Variants in PCDHGB3 observed in about 807,000 individuals in gnomAD.
PCDHGB3 encodes the protein protocadherin gamma subfamily B, 3, also known as protocadherin gamma-B3.
In PCDHGB3, 40 loss-of-function variants were observed where a neutral mutation model predicts 59.2. The ratio of observed to expected loss-of-function variants is 0.68; its 90% CI spans 0.52 to 0.88. PCDHGB3 has a LOEUF of 0.88. PCDHGB3 is among the 40% of genes least tolerant of loss of function. The pLI is 0.00. For missense variants in PCDHGB3, 1,309 were observed against 1,187.9 expected (o/e 1.10, Z -1.50); for synonymous variants, 581 against 503.6 (o/e 1.15, Z -2.06).
chr5:141,478,095 C>T, intron 1 of PCDHGB3: 5 of 1,614,100 alleles, frequency 3.1e-6, no homozygotes, highest in Non-Finnish European at 4.2e-6. Context: ...TCCACCACTG[C>T]TACCCTCACT....
intron 1 of PCDHGB3, chr5:141,385,038 G>C (rs377185831): frequency 4.3e-6 from 7 of 1,614,138 alleles, no homozygotes; most frequent in Non-Finnish European, 5.9e-6. Flanking sequence ...TACTGCTGGC[G>C]CTCAGGCTGC....
At chr5:141,426,830 C>A (rs559240163) in intron 1 of PCDHGB3, 301 of 456,662 alleles carry the variant, frequency 6.6e-4, no homozygotes, top group African/African-American at 5.8e-3. Flanking sequence ...TGATGATGGA[C>A]AAGACTAAAG....
chr5:141,389,749 G>C (rs1361443182), intron 1 of PCDHGB3: 1 of 1,612,740 alleles, frequency 6.2e-7, no homozygotes, highest in South Asian at 1.1e-5. Context: ...CTGCGCACGG[G>C]CGAAGTGCGC....
intron 1 of PCDHGB3, among the ~76,000 whole-genome samples, chr5:141,444,203 C>A (rs2098425806): frequency 1.3e-5 from 1 of 79,180 alleles, no homozygotes; most frequent in Admixed American, 2.0e-4. Context: ...TGGAGTTTCA[C>A]TCTTGTTGCC....
chr5:141,491,208 C>G lies in PCDHGB3; in HGVS notation c.2416-3599C>G. 6.2e-7 allele frequency: 1 copy of G among 1,614,204 alleles called. No individual in the cohort carries two copies. Among genetic ancestry groups the G allele is most frequent in the Non-Finnish European group, 8.5e-7 (1 of 1,180,026 alleles). ...TGAGGGACAATGGTGACCCTTCACTCTCCTCCACAGCCACAGTGCTGCTGG... is the reference window on the plus strand; with the variant it reads ...TGAGGGACAATGGTGACCCTTCACTGTCCTCCACAGCCACAGTGCTGCTGG... On this transcript the variant is annotated intron_variant, in intron 1 of 3. Coordinates refer to ENST00000576222, the MANE Select transcript of PCDHGB3 (RefSeq NM_018924.5). This position sits in a 1 kb window ranked among gnomAD's most constrained non-coding sequence, Gnocchi z 6.9.
Position 141,409,997 on chromosome 5 carries a change from G to A in PCDHGB3, c.2415+37188G>A. 1.9e-6 allele frequency: 3 copies of A among 1,613,224 alleles called. No homozygotes were observed. The African/African-American group carries it at 4.0e-5, about 22-fold the overall frequency. ...GGTGGTAGCGGTGGACGCCGACTCG[G>A]GACACAACGCCTGGCTGTCCTACCA... On this transcript the variant is annotated intron_variant, in intron 1 of 3. Coordinates refer to ENST00000576222, the MANE Select transcript of PCDHGB3 (RefSeq NM_018924.5).
intron 1 of PCDHGB3, chr5:141,418,549 C>T: frequency 6.2e-7 from 1 of 1,614,024 alleles, no homozygotes; most frequent in Non-Finnish European, 8.5e-7. Context: ...AGATAAGAAT[C>T]CTGGTAATAG....
intron 1 of PCDHGB3, chr5:141,408,110 T>G: frequency 2.8e-6 from 4 of 1,445,204 alleles, no homozygotes; most frequent in Non-Finnish European, 2.7e-6. Context: ...GACCCGGGAC[T>G]CCTCCTGTCC....
Position 141,491,930 on chromosome 5 carries a change from G to A in PCDHGB3, c.2416-2877G>A, listed in dbSNP as rs2099735399. On this transcript the variant is annotated intron_variant, in intron 1 of 3. Transcript: ENST00000576222. The surrounding 1 kb of genome is among the most constrained non-coding windows in gnomAD (Gnocchi z 6.9). ...GTGGCGACTGTGGGCGAGGGGAGGT[G>A]GGACCGACCCCCACCCCTACACTCA... 1.6e-6 allele frequency: 2 copies of A among 1,276,580 alleles called. No homozygotes were observed. The highest frequency in any genetic ancestry group is 2.1e-6 in the Non-Finnish European group (2 of 943,112). 79.1% of individuals were successfully genotyped at this position (1,276,580 alleles called of 1,614,324 possible).
intron 1 of PCDHGB3, chr5:141,385,519 T>C (rs1781250310): frequency 2.9e-6 from 4 of 1,366,410 alleles, no homozygotes; most frequent in Admixed American, 3.4e-5. Flanking sequence ...TGAAAGCCTA[T>C]GGACAAGATT....
intron 1 of PCDHGB3, among the ~76,000 whole-genome samples, chr5:141,438,655 T>C (rs1436221152): frequency 7.1e-6 from 1 of 140,042 alleles, no homozygotes; most frequent in Non-Finnish European, 1.5e-5. Flanking sequence ...CACACACATA[T>C]ATGTATATAT....
intron 1 of PCDHGB3, among the ~76,000 whole-genome samples, chr5:141,387,526 G>C (rs186607627): frequency 2.0e-5 from 3 of 152,206 alleles, no homozygotes; most frequent in African/African-American, 7.2e-5. Context: ...ATATACAGAC[G>C]TATCCACGTA....
intron 1 of PCDHGB3, among the ~76,000 whole-genome samples, chr5:141,443,720 T>G (rs1349609652): frequency 2.6e-5 from 4 of 152,156 alleles, no homozygotes; most frequent in Non-Finnish European, 5.9e-5. Flanking sequence ...CATATAAAAT[T>G]CCTCATACAT....
At chr5:141,376,270 A>G (rs776888332) in intron 1 of PCDHGB3, 1 of 1,614,118 alleles carries the variant, frequency 6.2e-7, no homozygotes, top group African/African-American at 1.3e-5. Flanking sequence ...AGGCTTCGGG[A>G]GGTGGCTTAG....
chr5:141,481,897 G>A (rs916673176), intron 1 of PCDHGB3, among the ~76,000 whole-genome samples: 3 of 128,712 alleles, frequency 2.3e-5, no homozygotes, highest in South Asian at 5.0e-4. Context: ...CTGGGTGAAA[G>A]AGCGAAACTC....
Position 141,485,785 on chromosome 5 carries a change from G to C in PCDHGB3, c.2416-9022G>C. ...TGGAGAAGCCTTTGGATCGAGAGAAGCAATCGGACTACCGCCTGGTGCTGA... is the reference window on the plus strand; with the variant it reads ...TGGAGAAGCCTTTGGATCGAGAGAACCAATCGGACTACCGCCTGGTGCTGA... On this transcript the variant is annotated intron_variant, in intron 1 of 3. Coordinates refer to ENST00000576222, the MANE Select transcript of PCDHGB3 (RefSeq NM_018924.5). The surrounding 1 kb of genome is among the most constrained non-coding windows in gnomAD (Gnocchi z 5.7). The C allele has an allele frequency of 1.2e-6, 2 of 1,614,214 alleles. No individual in the cohort carries two copies. The highest frequency in any genetic ancestry group is 1.7e-6 in the Non-Finnish European group (2 of 1,180,030).
At chr5:141,383,542 T>G (rs1779235852) in intron 1 of PCDHGB3, 1 of 1,612,562 alleles carries the variant, frequency 6.2e-7, no homozygotes, top group Non-Finnish European at 8.5e-7. Flanking sequence ...CCTCACAGCC[T>G]CTGATGGCGG....
chr5:141,405,176 G>A (rs917679696), intron 1 of PCDHGB3: 3 of 1,614,068 alleles, frequency 1.9e-6, no homozygotes, highest in Non-Finnish European at 2.5e-6. Context: ...ACACTTTGTG[G>A]GTGTAGATGG....
intron 1 of PCDHGB3, among the ~76,000 whole-genome samples, chr5:141,454,357 TAGAA>T (rs758087339): frequency 3.5e-4 from 54 of 152,354 alleles, no homozygotes; most frequent in Non-Finnish European, 6.3e-4. Context: ...GATCCAAACT[TAGAA>T]AGGAGTATGG....
Sources: gnomAD v4.1 joint callset for allele counts (sites outside exome capture counted in the v4.1 genomes callset) on GRCh38, gnomAD v4.1.1 for gene constraint, Gnocchi (gnomAD v3.1) non-coding constraint, MANE v1.5 for transcripts, NCBI Gene and HGNC (gene_info 2026-07-23, HGNC 2026-07-21) for gene names.